DLG2: variants seen among roughly 807,000 people sequenced by gnomAD.
The protein encoded by DLG2 is discs large MAGUK scaffold protein 2.
In DLG2, 45 loss-of-function variants were observed where a neutral mutation model predicts 132.5. The observed-to-expected ratio is 0.34, with a 90% CI of 0.27 to 0.44. The LOEUF is 0.44. Among genes scored for constraint, DLG2 ranks in the 20% least tolerant of loss-of-function variants. The pLI is 1.00. For synonymous variants in DLG2, 424 were observed against 419.6 expected, an observed-to-expected ratio of 1.01 and a Z score of -0.13; for missense variants, 1,045 against 1,196.9, an observed-to-expected ratio of 0.87 and a Z score of 1.87.
intron 3 of DLG2, among the ~76,000 whole-genome samples, chr11:85,493,633 G>C (rs537776179): frequency 1.3e-5 from 2 of 151,552 alleles, no homozygotes; most frequent in South Asian, 4.2e-4. Context: ...TTGTGCCCCT[G>C]CACTGCAGCC....
intron 2 of DLG2, among the ~76,000 whole-genome samples, chr11:85,607,838 C>T (rs2080694590): frequency 6.6e-6 from 1 of 152,212 alleles, no homozygotes; most frequent in Admixed American, 6.5e-5. Context: ...CCTCCCCTCC[C>T]TCAGGGTATG....
intron 11 of DLG2, among the ~76,000 whole-genome samples, chr11:84,004,518 A>T (rs1406606381): frequency 6.6e-6 from 1 of 152,094 alleles, no homozygotes; most frequent in Non-Finnish European, 1.5e-5. Flanking sequence ...CTCTCTAATA[A>T]CTGGAACAAG....
At chr11:84,958,745 G>T (rs963729601) in intron 6 of DLG2, among the ~76,000 whole-genome samples, 6 of 152,136 alleles carry the variant, frequency 3.9e-5, no homozygotes, top group Non-Finnish European at 8.8e-5. Context: ...GCCCTGCCTT[G>T]CCTACAGAAT....
intron 6 of DLG2, among the ~76,000 whole-genome samples, chr11:84,974,008 A>G (rs2054499092): frequency 6.6e-6 from 1 of 152,188 alleles, no homozygotes; most frequent in Non-Finnish European, 1.5e-5. Flanking sequence ...CTTATTTAAG[A>G]TGAAAGTAGA....
At position 85,134,380 on chromosome 11, in the gene DLG2, T is replaced by A. The variant is rs1316951901; in HGVS notation, c.282+20176A>T. ...CCGTCTCTACTAAAAATACAAAAAA[T>A]TAGCCGGGCGTAGTGGCGGGCGCCT... On this transcript the variant is annotated intron_variant, in intron 5 of 27. Coordinates refer to ENST00000376104, the MANE Select transcript of DLG2 (RefSeq NM_001142699.3). 1.7e-3 allele frequency among the ~76,000 whole-genome samples: 260 copies of A among 149,606 alleles called. 1 individual carries two copies. Among genetic ancestry groups the A allele is most frequent in the African/African-American group, 6.2e-3 (255 of 40,830 alleles).
rs116203765 is a variant in DLG2, at chr11:84,704,305, T to C, written c.358-169574A>G. On this transcript the variant is annotated intron_variant, in intron 6 of 27. Coordinates refer to ENST00000376104, the MANE Select transcript of DLG2 (RefSeq NM_001142699.3). ...TCTAAATCTGAGTTCTGCAAAGTTT[T>C]GTTCTTCTGTAAAGTATTTAAAAGA... 8.7e-3 allele frequency among the ~76,000 whole-genome samples: 1,315 copies of C among 151,694 alleles called. 25 individuals are homozygous for C. Among genetic ancestry groups the C allele is most frequent in the African/African-American group, 0.029 (1,199 of 41,460 alleles).
chr11:83,609,036 G>T (rs1408775259), intron 19 of DLG2, among the ~76,000 whole-genome samples: 1 of 152,088 alleles, frequency 6.6e-6, no homozygotes, highest in Non-Finnish European at 1.5e-5. Flanking sequence ...ATACTAGGCT[G>T]AATCATATGA....
intron 18 of DLG2, among the ~76,000 whole-genome samples, chr11:83,710,305 G>T (rs2085105287): frequency 6.6e-6 from 1 of 152,024 alleles, no homozygotes; most frequent in Non-Finnish European, 1.5e-5. Flanking sequence ...TTGGACTACA[G>T]GTACCCGCCA....
chr11:84,363,699 G>A (rs561406757), intron 7 of DLG2, among the ~76,000 whole-genome samples: 1 of 151,674 alleles, frequency 6.6e-6, no homozygotes, highest in Non-Finnish European at 1.5e-5. Context: ...AAGGTGTAAG[G>A]AAGGGATCCA....
At chr11:84,742,081 C>G (rs1212914005) in intron 6 of DLG2, among the ~76,000 whole-genome samples, 4 of 151,526 alleles carry the variant, frequency 2.6e-5, no homozygotes, top group Non-Finnish European at 5.9e-5. Flanking sequence ...AACATTTTCT[C>G]AACTTGAAGA....
intron 19 of DLG2, among the ~76,000 whole-genome samples, chr11:83,553,483 C>CGT (rs71959561): frequency 0.015 from 2,197 of 143,816 alleles, 31 homozygotes; most frequent in African/African-American, 0.034. Flanking sequence ...AAGTAAGCAC[C>CGT]GTGTGTGTGT....
intron 17 of DLG2, among the ~76,000 whole-genome samples, chr11:83,823,013 A>G (rs948356384): frequency 6.6e-6 from 1 of 152,084 alleles, no homozygotes; most frequent in South Asian, 2.1e-4. Flanking sequence ...TCACTTTCCT[A>G]CCTATCCTGA....
intron 6 of DLG2, among the ~76,000 whole-genome samples, chr11:84,886,639 A>T (rs1200614644): frequency 2.0e-5 from 3 of 152,142 alleles, no homozygotes; most frequent in Non-Finnish European, 4.4e-5. Context: ...GTGCAAAACC[A>T]TTTAATTTGC....
intron 3 of DLG2, among the ~76,000 whole-genome samples, chr11:85,468,953 C>T (rs1336603137): frequency 6.6e-6 from 1 of 152,118 alleles, no homozygotes; most frequent in African/African-American, 2.4e-5. Flanking sequence ...CCACTGTTCC[C>T]TGCCTGTCAG....
intron 10 of DLG2, among the ~76,000 whole-genome samples, chr11:84,060,327 T>C (rs2096571308): frequency 6.6e-6 from 1 of 151,896 alleles, no homozygotes; most frequent in Non-Finnish European, 1.5e-5. Context: ...AAGAAAATAA[T>C]AATAATAATA....
intron 8 of DLG2, among the ~76,000 whole-genome samples, chr11:84,201,451 C>A (rs2096591786): frequency 6.6e-6 from 1 of 152,148 alleles, no homozygotes; most frequent in Admixed American, 6.5e-5. Context: ...CAGGATGATG[C>A]TGGCCTCATA....
In DLG2 at chr11:84,579,835, T is replaced by C. The variant is rs907951095; in HGVS notation, c.358-45104A>G. On this transcript the variant is annotated intron_variant, in intron 6 of 27. Coordinates refer to ENST00000376104, the MANE Select transcript of DLG2 (RefSeq NM_001142699.3). ...AAGGGCTAAATTAAAGCAATGTTAA[T>C]GCAGAGAGAGAATAACAGATGGAGG... 7.2e-5 allele frequency among the ~76,000 whole-genome samples: 11 copies of C among 152,314 alleles called. No homozygotes were observed. The South Asian group carries it at 1.9e-3, about 26-fold the overall frequency.
At chr11:83,773,765 T>C (rs2094483618) in intron 18 of DLG2, among the ~76,000 whole-genome samples, 1 of 152,208 alleles carries the variant, frequency 6.6e-6, no homozygotes, top group African/African-American at 2.4e-5. Context: ...ATTCCACAAA[T>C]ATGTATTGAG....
intron 6 of DLG2, among the ~76,000 whole-genome samples, chr11:84,850,718 T>C (rs1437953896): frequency 1.3e-5 from 2 of 152,212 alleles, no homozygotes; most frequent in East Asian, 3.9e-4. Context: ...AAGATGAACA[T>C]ACAAAAATCA....
Sources: gnomAD v4.1 joint callset for allele counts (sites outside exome capture counted in the v4.1 genomes callset) on GRCh38, gnomAD v4.1.1 for gene constraint, MANE v1.5 for transcripts, NCBI Gene and HGNC (gene_info 2026-07-23, HGNC 2026-07-21) for gene names.